The following RAB28 variants were observed in gnomAD, a reference collection of about 807,000 sequenced individuals.
RAB28 encodes the protein ras-related protein Rab-28.
Under a neutral mutation model 31.7 loss-of-function variants are expected in RAB28, and 24 were observed. That is an observed-to-expected ratio of 0.76 (90% CI 0.55 to 1.06). The LOEUF (loss-of-function observed/expected upper bound fraction) is 1.06. RAB28 is among the 50% of genes least tolerant of loss of function. The pLI, the probability that RAB28 is intolerant of heterozygous loss-of-function variation, is 0.00. For missense variants in RAB28, 254 were observed against 258.5 expected, an observed-to-expected ratio of 0.98 and a Z score of 0.12; for synonymous variants, 100 against 90.4, an observed-to-expected ratio of 1.11 and a Z score of -0.60.
At chr4:13,372,187 C>T (rs1268535470) in intron 6 of RAB28, among the ~76,000 whole-genome samples, 1 of 152,020 alleles carries the variant, frequency 6.6e-6, no homozygotes, top group Non-Finnish European at 1.5e-5. Flanking sequence ...TTTTGAGATG[C>T]TAAGAGTCTA....
chr4:13,390,807 G>A (rs958471101), intron 4 of RAB28, among the ~76,000 whole-genome samples: 1 of 152,108 alleles, frequency 6.6e-6, no homozygotes, highest in African/African-American at 2.4e-5. Flanking sequence ...AATGGGGAAA[G>A]GATTCCCTAT....
chr4:13,448,900 T>TA (rs1366868295), intron 4 of RAB28, among the ~76,000 whole-genome samples: 1 of 149,936 alleles, frequency 6.7e-6, no homozygotes, highest in African/African-American at 2.5e-5. Context: ...GAAAAGAAGT[T>TA]AAAAAAAGAA....
At chr4:13,426,537 G>C (rs1298268975) in intron 4 of RAB28, among the ~76,000 whole-genome samples, 1 of 152,012 alleles carries the variant, frequency 6.6e-6, no homozygotes, top group Non-Finnish European at 1.5e-5. Context: ...CACCTTCCAT[G>C]TCCATAAACT....
intron 4 of RAB28, among the ~76,000 whole-genome samples, chr4:13,407,108 T>C (rs940490668): frequency 6.6e-6 from 1 of 152,246 alleles, no homozygotes; most frequent in Non-Finnish European, 1.5e-5. Context: ...TGATATTGCC[T>C]AGGTTTTCTT....
chr4:13,393,809 C>G (rs1729751340), intron 4 of RAB28, among the ~76,000 whole-genome samples: 1 of 138,120 alleles, frequency 7.2e-6, no homozygotes, highest in African/African-American at 2.7e-5. Flanking sequence ...ACTAATCAAC[C>G]TAAAGTTTAT....
intron 4 of RAB28, among the ~76,000 whole-genome samples, chr4:13,410,583 T>A (rs1392778292): frequency 1.3e-5 from 2 of 152,138 alleles, no homozygotes; most frequent in East Asian, 3.9e-4. Context: ...TAATAAATTT[T>A]AAAAGCCTTA....
intron 4 of RAB28, 31 bp from the exon 5 acceptor site, chr4:13,381,625 C>A: frequency 6.7e-7 from 1 of 1,501,742 alleles, no homozygotes; most frequent in Non-Finnish European, 9.2e-7. Flanking sequence ...GAAAATAATT[C>A]AATATTAGAG....
intron 6 of RAB28, chr4:13,370,142 T>C (rs1728665956): frequency 1.0e-6 from 1 of 979,258 alleles, no homozygotes; most frequent in Admixed American, 6.2e-5. Flanking sequence ...CAGCAGAATG[T>C]ACACATACAA....
At chr4:13,453,527 A>T (rs1164767262) in intron 4 of RAB28, among the ~76,000 whole-genome samples, 1 of 152,052 alleles carries the variant, frequency 6.6e-6, no homozygotes, top group Non-Finnish European at 1.5e-5. Flanking sequence ...ATTTTTTCTA[A>T]GGCCAGTCTG....
rs1001808139 is a variant in RAB28, at chr4:13,398,127, G to A, written c.392-16533C>T. On this transcript the variant is annotated intron_variant, in intron 4 of 6. Coordinates refer to ENST00000330852, the MANE Select transcript of RAB28 (RefSeq NM_001017979.3). ...TTGCCTCAGGTTAGAGGAAATAATA[G>A]GTCTAAAAGCACTATTGAGTAAGTA... Among the ~76,000 whole-genome samples the A allele has an allele frequency of 2.0e-5, 3 of 152,254 alleles. No individual in the cohort carries two copies. The South Asian group carries it at 6.2e-4, about 32-fold the overall frequency.
chr4:13,435,827 C>T (rs2108935838), intron 4 of RAB28, among the ~76,000 whole-genome samples: 1 of 152,250 alleles, frequency 6.6e-6, no homozygotes, highest in South Asian at 2.1e-4. Context: ...CTTACTGAAA[C>T]TATTCCAAAA....
In RAB28 at chr4:13,425,307, G is replaced by T. The variant is rs183880238; in HGVS notation, c.391+35392C>A. 1.2e-4 allele frequency among the ~76,000 whole-genome samples: 19 copies of T among 152,232 alleles called. 1 individual carries two copies. Among genetic ancestry groups the T allele is most frequent in the Non-Finnish European group, 2.6e-4 (18 of 68,004 alleles). On this transcript the variant is annotated intron_variant, in intron 4 of 6. Coordinates refer to ENST00000330852, the MANE Select transcript of RAB28 (RefSeq NM_001017979.3). ...AAGAAACTATTTGATGCTACAATATGAATTTTATCAAGAAGATCAGCAAGC... is the reference window on the plus strand; with the variant it reads ...AAGAAACTATTTGATGCTACAATATTAATTTTATCAAGAAGATCAGCAAGC...
intron 4 of RAB28, among the ~76,000 whole-genome samples, chr4:13,398,445 C>A (rs1215775519): frequency 6.6e-6 from 1 of 152,110 alleles, no homozygotes; most frequent in African/African-American, 2.4e-5. Context: ...CTTACCCAGA[C>A]ACTAGCATAC....
Position 13,460,825 on chromosome 4 carries a change from C to T in RAB28, c.265G>A (p.Val89Ile), listed in dbSNP as rs2108960229. ...LDKYIYGAQG[V>I]LLVYDITNYQ... is the part of the protein sequence containing the mutation. ...TTTGTAATATCATATACCAAGAGGA[C>T]TCCCTGTCACAAAAGAGTTACAAAA... Residue 89 changes from valine (V) to isoleucine (I), a missense_variant, in exon 4 of 7, where the codon GTC becomes ATC. By Grantham distance (29) the Val-to-Ile change is conservative (BLOSUM62 3). Coordinates refer to ENST00000330852, the MANE Select transcript of RAB28 (RefSeq NM_001017979.3). The T allele has an allele frequency of 1.4e-5, 23 of 1,609,276 alleles. No homozygotes were observed. The highest frequency in any genetic ancestry group is 2.0e-5 in the Non-Finnish European group (23 of 1,177,664).
chr4:13,391,414 G>C (rs1236907651), intron 4 of RAB28, among the ~76,000 whole-genome samples: 2 of 152,172 alleles, frequency 1.3e-5, no homozygotes. Flanking sequence ...AACAGATGCT[G>C]GAGACAATGT....
intron 4 of RAB28, among the ~76,000 whole-genome samples, chr4:13,393,375 G>C (rs1449605586): frequency 6.6e-6 from 1 of 152,168 alleles, no homozygotes; most frequent in Non-Finnish European, 1.5e-5. Flanking sequence ...AAATCAGCAG[G>C]GCCTAGGCCT....
Position 13,396,282 on chromosome 4 carries a change from C to T in RAB28, c.392-14688G>A, listed in dbSNP as rs372606584. On this transcript the variant is annotated intron_variant, in intron 4 of 6. Coordinates refer to ENST00000330852, the MANE Select transcript of RAB28 (RefSeq NM_001017979.3). ...TCTGGTTATACTCAATTCAAACAAA[C>T]GACTTGTCACATTAACTACCTCCAG... Among the ~76,000 whole-genome samples, 12 of 151,946 alleles carry T rather than the reference C, an allele frequency of 7.9e-5. No homozygotes were observed. The South Asian group carries it at 1.5e-3, about 18-fold the overall frequency.
At chr4:13,380,311 T>G (rs1046441283) in intron 5 of RAB28, among the ~76,000 whole-genome samples, 1 of 152,172 alleles carries the variant, frequency 6.6e-6, no homozygotes, top group African/African-American at 2.4e-5. Flanking sequence ...TCAAAAATCT[T>G]AAACCACAGA....
chr4:13,375,796 G>C (rs4834949), intron 6 of RAB28, among the ~76,000 whole-genome samples: 4,125 of 124,290 alleles, frequency 0.033, 124 homozygotes, highest in East Asian at 0.14. Flanking sequence ...CACACACACA[G>C]AGAGAGAGAG....
Sources: allele counts gnomAD v4.1 joint callset (sites outside exome capture counted in the v4.1 genomes callset), GRCh38; gene constraint gnomAD v4.1.1; transcripts MANE v1.5; gene names NCBI Gene and HGNC (gene_info 2026-07-23, HGNC 2026-07-21).